Variants in CMSS1 observed in about 807,000 individuals in gnomAD.
The protein encoded by CMSS1 is cms1 ribosomal small subunit homolog.
CMSS1 carries 33 observed loss-of-function variants against 43.5 expected under a neutral mutation model. The ratio of observed to expected loss-of-function variants is 0.76; its 90% CI spans 0.57 to 1.01. CMSS1 has a LOEUF of 1.01. CMSS1 is among the 50% of genes least tolerant of loss of function. The probability of loss-of-function intolerance (pLI) is 0.00; values close to 1 mark genes in which losing one functional copy is unlikely to be tolerated. For missense variants in CMSS1, 313 were observed against 326.4 expected (o/e 0.96, Z 0.32); for synonymous variants, 115 against 117.2 (o/e 0.98, Z 0.12).
At chr3:99,885,536 TA>T (rs1705864917) in intron 1 of CMSS1, among the ~76,000 whole-genome samples, 1 of 152,254 alleles carries the variant, frequency 6.6e-6, no homozygotes, top group African/African-American at 2.4e-5. Context: ...CACAAGTTCA[TA>T]AACTTACTTT....
At chr3:100,145,036 A>C (rs1322075140) in intron 1 of CMSS1, among the ~76,000 whole-genome samples, 1 of 152,150 alleles carries the variant, frequency 6.6e-6, no homozygotes, top group African/African-American at 2.4e-5. Context: ...AGATCCTATA[A>C]ATACTTTTAA....
intron 1 of CMSS1, chr3:99,898,125 G>C (rs544249159): frequency 7.9e-5 from 12 of 152,046 alleles, no homozygotes; most frequent in Non-Finnish European, 1.3e-4. Flanking sequence ...AAGCAGGCAG[G>C]CTTGGTTTAA....
intron 1 of CMSS1, among the ~76,000 whole-genome samples, chr3:99,974,659 G>A (rs920851089): frequency 3.3e-5 from 5 of 151,990 alleles, no homozygotes; most frequent in Non-Finnish European, 7.4e-5. Flanking sequence ...ATGAGCCAAG[G>A]TCATGCCATT....
intron 1 of CMSS1, among the ~76,000 whole-genome samples, chr3:100,085,398 A>G (rs2065992109): frequency 6.6e-6 from 1 of 152,132 alleles, no homozygotes; most frequent in African/African-American, 2.4e-5. Flanking sequence ...TTTTACTATA[A>G]TAGCAGGGTC....
chr3:100,169,037 T>C (rs1454210253), intron 6 of CMSS1, among the ~76,000 whole-genome samples: 1 of 151,988 alleles, frequency 6.6e-6, no homozygotes, highest in Non-Finnish European at 1.5e-5. Flanking sequence ...CCCAAATGCA[T>C]ATGAAAATGT....
intron 1 of CMSS1, among the ~76,000 whole-genome samples, chr3:100,092,898 G>T (rs150205136): frequency 1.3e-5 from 2 of 151,466 alleles, no homozygotes; most frequent in Non-Finnish European, 2.9e-5. Flanking sequence ...GGACTTTCTG[G>T]TCAAATTCTA....
intron 1 of CMSS1, among the ~76,000 whole-genome samples, chr3:99,923,483 G>A (rs1707187894): frequency 6.6e-6 from 1 of 152,140 alleles, no homozygotes; most frequent in South Asian, 2.1e-4. Context: ...GTGCTTCTCA[G>A]TAACTCCTTG....
intron 1 of CMSS1, among the ~76,000 whole-genome samples, chr3:100,045,524 G>A (rs891072103): frequency 2.2e-4 from 33 of 151,638 alleles, no homozygotes; most frequent in Non-Finnish European, 3.7e-4. Flanking sequence ...CCCTCCTCTC[G>A]CAAACACCTC....
At chr3:100,115,364 A>G (rs1018187450) in intron 1 of CMSS1, among the ~76,000 whole-genome samples, 4 of 152,214 alleles carry the variant, frequency 2.6e-5, no homozygotes, top group African/African-American at 4.8e-5. Flanking sequence ...GATGATAGAT[A>G]TAAGACTGAG....
intron 1 of CMSS1, chr3:99,850,832 G>T: frequency 2.5e-6 from 4 of 1,614,096 alleles, no homozygotes; most frequent in Non-Finnish European, 3.4e-6. Flanking sequence ...TCTTCCTCCT[G>T]AACTCTGGCT....
chr3:99,906,847 A>G (rs1706633599), intron 1 of CMSS1, among the ~76,000 whole-genome samples: 1 of 152,086 alleles, frequency 6.6e-6, no homozygotes, highest in African/African-American at 2.4e-5. Context: ...GTATTTTGCC[A>G]TTTTCCCCAC....
chr3:100,156,312 T>C (rs1012633596), intron 2 of CMSS1, among the ~76,000 whole-genome samples: 1 of 136,168 alleles, frequency 7.3e-6, no homozygotes, highest in African/African-American at 2.8e-5. Context: ...TTTTTTTTTT[T>C]TTTTTTTTTT....
intron 1 of CMSS1, among the ~76,000 whole-genome samples, chr3:100,065,214 G>C (rs1281882326): frequency 2.0e-5 from 3 of 152,206 alleles, no homozygotes; most frequent in African/African-American, 7.2e-5. Context: ...TGAATCTCTG[G>C]GAGTACCATC....
chr3:100,102,276 G>T (rs2107459627), intron 1 of CMSS1, among the ~76,000 whole-genome samples: 1 of 152,210 alleles, frequency 6.6e-6, no homozygotes, highest in South Asian at 2.1e-4. Context: ...ATCCTCTCCA[G>T]CACCTGTTGT....
intron 1 of CMSS1, among the ~76,000 whole-genome samples, chr3:100,099,440 G>A (rs769203040): frequency 2.6e-5 from 4 of 152,146 alleles, no homozygotes; most frequent in Non-Finnish European, 5.9e-5. Context: ...GGTAAGGAAG[G>A]TAGAGGAAGA....
chr3:99,922,260 A>T (rs929421004), intron 1 of CMSS1, among the ~76,000 whole-genome samples: 5 of 152,244 alleles, frequency 3.3e-5, no homozygotes, highest in Non-Finnish European at 7.3e-5. Context: ...ACTAGTGCCA[A>T]ACCACAGGGG....
intron 1 of CMSS1, among the ~76,000 whole-genome samples, chr3:100,022,799 C>T (rs2064850121): frequency 6.6e-6 from 1 of 152,192 alleles, no homozygotes; most frequent in South Asian, 2.1e-4. Context: ...TTAAAAACAT[C>T]AGTGCATGGG....
intron 1 of CMSS1, among the ~76,000 whole-genome samples, chr3:99,907,135 GCCCTTCAACTCAGATCT>G (rs1166506617): frequency 6.6e-6 from 1 of 152,160 alleles, no homozygotes; most frequent in Non-Finnish European, 1.5e-5. Context: ...ACTGGAAGCA[GCCCTTCAACTCAGATCT>G]TCAGCTTCTT....
chr3:99,830,594 T>A (rs902380234), intron 1 of CMSS1: 1 of 456,648 alleles, frequency 2.2e-6, no homozygotes, highest in Admixed American at 2.3e-5. Context: ...TCTGCTTGCA[T>A]ACCTCCTTGA....
Sources: allele counts gnomAD v4.1 joint callset (sites outside exome capture counted in the v4.1 genomes callset), GRCh38; gene constraint gnomAD v4.1.1; transcripts MANE v1.5; gene names NCBI Gene and HGNC (gene_info 2026-07-23, HGNC 2026-07-21).